Variants in CHM observed in about 807,000 individuals in gnomAD.
The protein encoded by CHM is rab proteins geranylgeranyltransferase component A 1.
Under a neutral mutation model 49.0 loss-of-function variants are expected in CHM, and 10 were observed. The observed-to-expected ratio is 0.20, with a 90% CI of 0.13 to 0.35. CHM has a LOEUF of 0.35. Ranked by LOEUF, CHM falls within the 10% of genes least tolerant of loss-of-function variation. The probability of loss-of-function intolerance (pLI) is 1.00; values close to 1 mark genes in which losing one functional copy is unlikely to be tolerated. For missense variants in CHM, 455 were observed against 478.4 expected, an observed-to-expected ratio of 0.95 and a Z score of 0.46; for synonymous variants, 184 against 167.5, an observed-to-expected ratio of 1.10 and a Z score of -0.76.
At chrX:85,894,136 C>T (rs994221129) in intron 12 of CHM, 52 bp downstream of exon 12, 2 of 940,234 alleles carry the variant, frequency 2.1e-6, no homozygotes, top group Non-Finnish European at 3.1e-6. Context: ...TAACTGCCCC[C>T]TTTACCCCCT....
intron 2 of CHM, among the ~76,000 whole-genome samples, chrX:86,003,339 A>G (rs1475156256): frequency 8.9e-6 from 1 of 112,314 alleles, no homozygotes; most frequent in East Asian, 2.8e-4. Flanking sequence ...TCTAAAAATA[A>G]CAGTGCCTCT....
At chrX:85,920,694 G>T (rs953502416) in intron 8 of CHM, among the ~76,000 whole-genome samples, 1 of 112,135 alleles carries the variant, frequency 8.9e-6, no homozygotes, top group Admixed American at 9.5e-5. Flanking sequence ...AACTGAGGAA[G>T]AGGTCAAGTG....
intron 8 of CHM, among the ~76,000 whole-genome samples, chrX:85,938,314 T>C (rs1928903912): frequency 8.9e-6 from 1 of 111,988 alleles, no homozygotes; most frequent in African/African-American, 3.3e-5. Context: ...ATATAAACTA[T>C]CAACTAGAGA....
At chrX:86,018,461 T>C (rs972892162) in intron 2 of CHM, among the ~76,000 whole-genome samples, 1 of 112,115 alleles carries the variant, frequency 8.9e-6, no homozygotes, top group African/African-American at 3.2e-5. Flanking sequence ...CTCTGCAAAA[T>C]AGCTTGGCAA....
chrX:85,926,009 C>T (rs923653089), intron 8 of CHM, among the ~76,000 whole-genome samples: 1 of 111,021 alleles, frequency 9.0e-6, no homozygotes, highest in Non-Finnish European at 1.9e-5. Context: ...AGCAAATACT[C>T]TTCAGCTTAG....
At chrX:85,865,363 C>A (rs1282308294) in intron 14 of CHM, among the ~76,000 whole-genome samples, 1 of 111,652 alleles carries the variant, frequency 9.0e-6, no homozygotes, top group Non-Finnish European at 1.9e-5. Context: ...GTGAGATGTG[C>A]CTTGCTTCCC....
intron 9 of CHM, among the ~76,000 whole-genome samples, chrX:85,902,403 T>G: frequency 8.9e-6 from 1 of 112,098 alleles, no homozygotes; most frequent in Non-Finnish European, 1.9e-5. Context: ...CTGGTATTTT[T>G]TAATAAATGG....
chrX:85,903,396 A>G (rs1363151681), intron 9 of CHM, among the ~76,000 whole-genome samples: 3 of 111,069 alleles, frequency 2.7e-5, no homozygotes, highest in Admixed American at 9.7e-5. Context: ...CTGGCCCTCA[A>G]GCTTTGTAGG....
chrX:85,894,180 A>G lies in CHM; in HGVS notation c.1510+8T>C. The stretch of plus-strand genomic sequence containing the variant: ...ACAAAATACAAATAACCACTCTACT[A>G]TGCTTACAGGTGCCTTTCATGCATG... On this transcript the variant is annotated splice_region_variant and intron_variant, in intron 12 of 14. Coordinates refer to ENST00000357749, the MANE Select transcript of CHM (RefSeq NM_000390.4). 1 of 1,192,648 alleles carries G rather than the reference A, an allele frequency of 8.4e-7. No homozygotes were observed. The highest frequency in any genetic ancestry group is 1.1e-6 in the Non-Finnish European group (1 of 878,219).
chrX:85,898,450 C>T lies in CHM; in HGVS notation c.1413+2196G>A, dbSNP rs1053879342. ...ATCCTCCTTCTTACTTCGTTATCTT[C>T]AACCTCTCCCTCTCTACTGGCTTCA... On this transcript the variant is annotated intron_variant, in intron 11 of 14. Transcript: ENST00000357749. Among the ~76,000 whole-genome samples, 5 of 111,494 alleles carry T rather than the reference C, an allele frequency of 4.5e-5. No homozygotes were observed. In the Admixed American group the frequency reaches 4.8e-4, roughly 11 times the overall value.
chrX:86,021,000 GTATA>G (rs1213398980), intron 2 of CHM, among the ~76,000 whole-genome samples: 34 of 95,463 alleles, frequency 3.6e-4, no homozygotes, highest in Non-Finnish European at 5.0e-4. Flanking sequence ...CCAGATGTGT[GTATA>G]TATATATATT....
chrX:86,034,836 C>A (rs769762944), intron 1 of CHM, among the ~76,000 whole-genome samples: 2 of 111,112 alleles, frequency 1.8e-5, no homozygotes, highest in South Asian at 7.5e-4. Flanking sequence ...AAGAGAAGAT[C>A]AAAAAAACTG....
chrX:85,955,519 A>T (rs749021124), intron 8 of CHM, among the ~76,000 whole-genome samples: 10 of 112,763 alleles, frequency 8.9e-5, no homozygotes, highest in African/African-American at 3.2e-4. Flanking sequence ...GGAAATGAAA[A>T]ATAAAAATCC....
intron 2 of CHM, among the ~76,000 whole-genome samples, chrX:86,017,747 C>G (rs1158912106): frequency 9.0e-6 from 1 of 111,199 alleles, no homozygotes; most frequent in Non-Finnish European, 1.9e-5. Context: ...AAGAAAAAAG[C>G]TACGAAAAAG....
At chrX:85,924,093 A>C (rs148424636) in intron 8 of CHM, among the ~76,000 whole-genome samples, 57 of 111,314 alleles carry the variant, frequency 5.1e-4, no homozygotes, top group African/African-American at 1.5e-3. Context: ...AAGTACAATG[A>C]GTAGTACAAC....
rs1930485700 is a variant in CHM, at chrX:85,964,693, T to C, written c.315-641A>G. On this transcript the variant is annotated intron_variant, in intron 4 of 14. Coordinates refer to ENST00000357749, the MANE Select transcript of CHM (RefSeq NM_000390.4). ...TAAGTTGGCCTATCACAATGTGGTA[T>C]CTAATAGGACCTTTCTGTATAATTT... is the stretch of plus-strand genomic sequence containing the variant. 2.7e-5 allele frequency among the ~76,000 whole-genome samples: 3 copies of C among 112,167 alleles called. No homozygotes were observed. The South Asian group carries it at 1.1e-3, about 42-fold the overall frequency.
intron 9 of CHM, 80 bp from the exon 10 acceptor site, chrX:85,901,268 G>T: frequency 4.8e-6 from 3 of 627,329 alleles, no homozygotes; most frequent in Non-Finnish European, 7.2e-6. Context: ...TACCAATTTT[G>T]AATCTAAAAT....
At chrX:85,903,972 G>A (rs1926443390) in intron 9 of CHM, among the ~76,000 whole-genome samples, 1 of 111,248 alleles carries the variant, frequency 9.0e-6, no homozygotes, top group Non-Finnish European at 1.9e-5. Context: ...CAAGTGATAA[G>A]ATATGTTTTC....
intron 1 of CHM, among the ~76,000 whole-genome samples, chrX:86,038,797 T>A (rs1261072674): frequency 8.9e-6 from 1 of 112,081 alleles, no homozygotes; most frequent in Non-Finnish European, 1.9e-5. Context: ...ATGCTGTCAA[T>A]AATAAGAAGC....
Sources: gnomAD v4.1 joint callset for allele counts (sites outside exome capture counted in the v4.1 genomes callset) on GRCh38, gnomAD v4.1.1 for gene constraint, MANE v1.5 for transcripts, NCBI Gene and HGNC (gene_info 2026-07-23, HGNC 2026-07-21) for gene names.